FGB: variants seen among roughly 807,000 people sequenced by gnomAD.
FGB encodes the protein beta-fibrinogen.
In FGB, 25 loss-of-function variants were observed where a neutral mutation model predicts 57.9. That is an observed-to-expected ratio of 0.43 (90% CI 0.31 to 0.60). FGB has a LOEUF of 0.60. Ranked by LOEUF, FGB falls within the 20% of genes least tolerant of loss-of-function variation. The pLI, the probability that FGB is intolerant of heterozygous loss-of-function variation, is 0.08. For missense variants in FGB, 536 were observed against 598.4 expected (o/e 0.90, Z 1.09); for synonymous variants, 203 against 199.2 (o/e 1.02, Z -0.16).
intron 1 of FGB, chr4:154,565,215 C>G: frequency 2.2e-6 from 1 of 464,496 alleles, no homozygotes; most frequent in South Asian, 1.6e-5. Flanking sequence ...GATAAAGCAA[C>G]TTGCCCAAGG....
Position 154,570,690 on chromosome 4 carries a change from C to A in FGB, c.*40C>A. 1 of 1,419,482 alleles carries A rather than the reference C, an allele frequency of 7.0e-7. No individual in the cohort carries two copies. Among genetic ancestry groups the A allele is most frequent in the Non-Finnish European group, 1.0e-6 (1 of 1,004,832 alleles). 87.9% of individuals were successfully genotyped at this position (1,419,482 alleles called of 1,614,324 possible). ...ATTTTTGCTCTTCTGTATGTGACAA[C>A]ATTTTTGTACATTATGTTATTGGAA... On this transcript the variant is annotated 3_prime_UTR_variant, in exon 8 of 8. Coordinates refer to ENST00000302068, the MANE Select transcript of FGB (RefSeq NM_005141.5).
At chr4:154,570,326 C>T (rs2110780615) in intron 7 of FGB, 93 bp from the exon 8 acceptor site, 1 of 886,654 alleles carries the variant, frequency 1.1e-6, no homozygotes, top group Admixed American at 1.9e-5. Context: ...CTACTGTGCA[C>T]ACGAGTGTAG....
In FGB at chr4:154,571,514, C is replaced by A. The variant is rs1000593377; in HGVS notation, c.*864C>A. ...CTGACTATATACCATGGAAAAGCCA[C>A]CACTCTGCCACTTAAATAAACATCA... On this transcript the variant is annotated 3_prime_UTR_variant, in exon 8 of 8. Coordinates refer to ENST00000302068, the MANE Select transcript of FGB (RefSeq NM_005141.5). Among the ~76,000 whole-genome samples the A allele has an allele frequency of 2.6e-5, 4 of 151,526 alleles. No homozygotes were observed. Among genetic ancestry groups the A allele is most frequent in the African/African-American group, 9.7e-5 (4 of 41,272 alleles).
chr4:154,568,021 G>A (rs1035300649), intron 4 of FGB, among the ~76,000 whole-genome samples: 9 of 152,178 alleles, frequency 5.9e-5, no homozygotes, highest in Non-Finnish European at 1.2e-4. Context: ...GAGCAGGATG[G>A]GGCACAGGTA....
Position 154,571,800 on chromosome 4 carries a change from T to TA in FGB, c.*1151dup. Reference sequence around the variant, plus strand: ...GTCGCCACGGGCAACCTTATGACCCTAGGTCCTCCACCCCTAATGTATCAT... The same window carrying TA: ...GTCGCCACGGGCAACCTTATGACCCTAAGGTCCTCCACCCCTAATGTATCAT... On this transcript the variant is annotated 3_prime_UTR_variant, in exon 8 of 8. Transcript: ENST00000302068. Among the ~76,000 whole-genome samples the TA allele has an allele frequency of 6.6e-6, 1 of 152,330 alleles. No homozygotes were observed. The highest frequency in any genetic ancestry group is 1.9e-4 in the East Asian group (1 of 5,186).
rs1360670204 is a variant in FGB at position 154,570,478 on chromosome 4, A to G, written c.1304A>G (p.Asn435Ser). The G allele has an allele frequency of 6.2e-7, 1 of 1,614,212 alleles. No homozygotes were observed. The highest frequency in any genetic ancestry group is 8.5e-7 in the Non-Finnish European group (1 of 1,180,038). The change falls in exon 8 of 8, where the codon AAT becomes AGT. Residue 435 changes from asparagine (N) to serine (S), a missense_variant. Around this residue, in one of 3 missense-constraint regions of FGB, gnomAD observed 177 missense variants for 193.7 expected, o/e 0.91. Transcript: ENST00000302068. ...GAAGACGGTGGTGGATGGTGGTATAATAGATGTCATGCAGCCAATCCAAAC... is the reference window on the plus strand; with the variant it reads ...GAAGACGGTGGTGGATGGTGGTATAGTAGATGTCATGCAGCCAATCCAAAC... Reference protein sequence around the residue: ...SKEDGGGWWYNRCHAANPNGR... With the variant: ...SKEDGGGWWYSRCHAANPNGR...
rs1578786578 is a variant in FGB, at chr4:154,570,746, C to G, written c.*96C>G. 3.2e-6 allele frequency: 3 copies of G among 925,230 alleles called. No individual in the cohort carries two copies. Among genetic ancestry groups the G allele is most frequent in the Non-Finnish European group, 5.3e-6 (3 of 571,350 alleles). The allele number at this position is 925,230 out of a possible 1,614,324, so 57.3% of individuals were successfully genotyped here. On this transcript the variant is annotated 3_prime_UTR_variant, in exon 8 of 8. Transcript: ENST00000302068. ...TTTCATACATTATATTCCTCTAAAA[C>G]TCTCAAGCAGACGTGAGTGTGACTT...
chr4:154,571,525 C>T lies in FGB; in HGVS notation c.*875C>T, dbSNP rs1730426373. Among the ~76,000 whole-genome samples the T allele has an allele frequency of 6.6e-6, 1 of 151,588 alleles. No homozygotes were observed. The highest frequency in any genetic ancestry group is 2.4e-5 in the African/African-American group (1 of 41,288). On this transcript the variant is annotated 3_prime_UTR_variant, in exon 8 of 8. Transcript: ENST00000302068. Reference sequence around the variant, plus strand: ...CCATGGAAAAGCCACCACTCTGCCACTTAAATAAACATCAGGATCAGAGAT... The same window carrying T: ...CCATGGAAAAGCCACCACTCTGCCATTTAAATAAACATCAGGATCAGAGAT...
rs1730341817 is a variant in FGB at position 154,569,777 on chromosome 4, T to A, written c.1222T>A (p.Tyr408Asn). 13 of 1,614,186 alleles carry A rather than the reference T, an allele frequency of 8.1e-6. No homozygotes were observed. The highest frequency in any genetic ancestry group is 1.1e-5 in the Non-Finnish European group (13 of 1,180,022). The change falls in exon 7 of 8, where the codon TAT becomes AAT. Residue 408 changes from tyrosine (Y) to asparagine (N), a missense_variant. By Grantham distance (143) the Tyr-to-Asn change is moderately radical. This residue lies in a region of FGB where 177 missense variants were observed against 193.7 expected (regional missense o/e 0.91). Transcript: ENST00000302068. Reference sequence around the variant, plus strand: ...TCACAACGGCATGTTCTTCAGCACGTATGACAGAGACAATGACGGCTGGTA... The same window carrying A: ...TCACAACGGCATGTTCTTCAGCACGAATGACAGAGACAATGACGGCTGGTA... ...TIHNGMFFSTYDRDNDGWLTS... is the reference protein window; with the variant it reads ...TIHNGMFFSTNDRDNDGWLTS...
intron 3 of FGB, 186 bp downstream of exon 3, chr4:154,566,858 C>T (rs1272598085): frequency 3.3e-6 from 2 of 609,658 alleles, no homozygotes; most frequent in Non-Finnish European, 5.8e-6. Context: ...CCCAGTCTGA[C>T]ATCAGCAAGT....
chr4:154,569,513 G>A lies in FGB; in HGVS notation c.959-1G>A. The A allele has an allele frequency of 1.9e-6, 3 of 1,609,688 alleles. No individual in the cohort carries two copies. Among genetic ancestry groups the A allele is most frequent in the African/African-American group, 2.7e-5 (2 of 74,676 alleles). On this transcript the variant is annotated splice_acceptor_variant, in intron 6 of 7. Coordinates refer to ENST00000302068, the MANE Select transcript of FGB (RefSeq NM_005141.5). LOFTEE classifies it high-confidence loss of function. ...GAGATTTTATTTTGTTTTTCTTTTA[G>A]GTGAATATTGGCTTGGAAATGATAA...
chr4:154,570,443 G>A lies in FGB; in HGVS notation c.1269G>A (p.Gln423=). The part of the protein sequence containing the change: ...DGWLTSDPRK[Q]CSKEDGGGWW... ...GGTTAACATCAGATCCCAGAAAACA[G>A]TGTTCTAAAGAAGACGGTGGTGGAT... is the stretch of plus-strand genomic sequence containing the variant. The change falls in exon 8 of 8, where the codon CAG becomes CAA. Residue 423 remains glutamine (Q), a synonymous_variant. Coordinates refer to ENST00000302068, the MANE Select transcript of FGB (RefSeq NM_005141.5). 6.2e-7 allele frequency: 1 copy of A among 1,614,008 alleles called. No individual in the cohort carries two copies. The highest frequency in any genetic ancestry group is 8.5e-7 in the Non-Finnish European group (1 of 1,179,898).
Position 154,572,649 on chromosome 4 carries a change from C to A in FGB, c.*1999C>A, listed in dbSNP as rs1730475147. On this transcript the variant is annotated 3_prime_UTR_variant, in exon 8 of 8. Transcript: ENST00000302068. ...ACTCTGAACACATATTCTTCTTAGA[C>A]CATACAGTCATTCTCAGGGTATGCT... 2.0e-5 allele frequency among the ~76,000 whole-genome samples: 3 copies of A among 152,096 alleles called. No homozygotes were observed.
chr4:154,564,510 T>A (rs909436447), intron 1 of FGB, among the ~76,000 whole-genome samples: 1 of 152,136 alleles, frequency 6.6e-6, no homozygotes, highest in African/African-American at 2.4e-5. Flanking sequence ...ATATTAAGAA[T>A]GTATATAGTC....
chr4:154,572,234 A>G lies in FGB; in HGVS notation c.*1584A>G, dbSNP rs1730458573. On this transcript the variant is annotated 3_prime_UTR_variant, in exon 8 of 8. Coordinates refer to ENST00000302068, the MANE Select transcript of FGB (RefSeq NM_005141.5). ...ACAGGTCAGGCCCTTTAAAAATTTC[A>G]ACAGCTTTATTGAGATATAATTGAT... Among the ~76,000 whole-genome samples the G allele has an allele frequency of 1.3e-5, 2 of 152,260 alleles. No homozygotes were observed. The highest frequency in any genetic ancestry group is 4.1e-4 in the South Asian group (2 of 4,824).
chr4:154,567,897 A>C, intron 4 of FGB, 77 bp downstream of exon 4: 1 of 1,034,900 alleles, frequency 9.7e-7, no homozygotes, highest in Non-Finnish European at 1.5e-6. Context: ...AACAACAACA[A>C]CAAAAATGCT....
chr4:154,567,467 C>A, intron 3 of FGB, 126 bp from the exon 4 acceptor site: 1 of 681,020 alleles, frequency 1.5e-6, no homozygotes, highest in Admixed American at 2.2e-5. Context: ...GACTATATAT[C>A]ATAACTGCTT....
intron 4 of FGB, 141 bp from the exon 5 acceptor site, chr4:154,568,240 A>G (rs898929062): frequency 3.7e-5 from 25 of 675,684 alleles, no homozygotes; most frequent in Non-Finnish European, 3.5e-5. Context: ...ATGAAAATCT[A>G]ATATTTGTTA....
In FGB at chr4:154,570,069, T is replaced by C. The variant is rs543944384; in HGVS notation, c.1244+270T>C. ...CTAGAATTTGAGCACAGTTACTTTC[T>C]GAATAATGAGCATTTAGATAAATAC... On this transcript the variant is annotated intron_variant, in intron 7 of 7. Transcript: ENST00000302068. Among the ~76,000 whole-genome samples, 13 of 152,356 alleles carry C rather than the reference T, an allele frequency of 8.5e-5. 1 individual carries two copies. The South Asian group carries it at 2.7e-3, about 32-fold the overall frequency.
Sources: gnomAD v4.1 joint callset for allele counts (sites outside exome capture counted in the v4.1 genomes callset) on GRCh38, gnomAD v4.1.1 for gene constraint, gnomAD v4.1.1 regional missense constraint, MANE v1.5 for transcripts, NCBI Gene and HGNC (gene_info 2026-07-23, HGNC 2026-07-21) for gene names.